PARD3: variants seen among roughly 807,000 people sequenced by gnomAD.
PARD3 encodes the protein par-3 family cell polarity regulator.
Under a neutral mutation model 155.4 loss-of-function variants are expected in PARD3, and 75 were observed. That is an observed-to-expected ratio of 0.48 (90% CI 0.40 to 0.58). PARD3 has a LOEUF of 0.58. Ranked by LOEUF, PARD3 falls within the 20% of genes least tolerant of loss-of-function variation. The probability of loss-of-function intolerance (pLI) is 0.00; values close to 1 mark genes in which losing one functional copy is unlikely to be tolerated. For missense variants in PARD3, 1,642 were observed against 1,721.7 expected (o/e 0.95, Z 0.82); for synonymous variants, 576 against 610.5 (o/e 0.94, Z 0.83).
intron 1 of PARD3, among the ~76,000 whole-genome samples, chr10:34,789,298 G>A (rs1425410173): frequency 6.6e-6 from 1 of 152,018 alleles, no homozygotes; most frequent in African/African-American, 2.4e-5. Context: ...TCTCAAAAAG[G>A]AAAAAAATTA....
chr10:34,736,094 C>G lies in PARD3; in HGVS notation c.121-39675G>C, dbSNP rs149594107. Among the ~76,000 whole-genome samples, 147 of 143,930 alleles carry G rather than the reference C, an allele frequency of 1.0e-3. 2 individuals are homozygous for G. The East Asian group carries it at 0.024, about 23-fold the overall frequency. 94.4% of individuals were successfully genotyped at this position (143,930 alleles called of 152,430 possible). A position where few individuals can be genotyped will look rare whatever the true frequency, so the allele number is the denominator to read the frequency against. Reference sequence around the variant, plus strand: ...CCGCCCAGGCTGGAGTGCAGTGGCGCGATCTCGGCTAGCTGCAAGCTCCAC... The same window carrying G: ...CCGCCCAGGCTGGAGTGCAGTGGCGGGATCTCGGCTAGCTGCAAGCTCCAC... On this transcript the variant is annotated intron_variant, in intron 1 of 24. Transcript: ENST00000374788.
At chr10:34,172,556 G>C (rs1949844637) in intron 22 of PARD3, among the ~76,000 whole-genome samples, 1 of 152,036 alleles carries the variant, frequency 6.6e-6, no homozygotes, top group Non-Finnish European at 1.5e-5. Context: ...GATTCAGCAG[G>C]TCTGGGGTGG....
intron 2 of PARD3, among the ~76,000 whole-genome samples, chr10:34,623,213 A>T (rs1431342674): frequency 6.6e-6 from 1 of 152,218 alleles, no homozygotes; most frequent in Non-Finnish European, 1.5e-5. Context: ...TCATTAACAC[A>T]TACAAGAGAA....
At chr10:34,554,688 C>T (rs1428406212) in intron 2 of PARD3, among the ~76,000 whole-genome samples, 2 of 152,022 alleles carry the variant, frequency 1.3e-5, no homozygotes, top group Admixed American at 1.3e-4. Context: ...AACTCAGCGG[C>T]CTTTCGTTAG....
At chr10:34,524,002 A>G (rs911407941) in intron 2 of PARD3, among the ~76,000 whole-genome samples, 1 of 152,024 alleles carries the variant, frequency 6.6e-6, no homozygotes, top group Non-Finnish European at 1.5e-5. Context: ...CCCTTTTTCT[A>G]TCTCTTATTT....
At chr10:34,325,635 G>A (rs997364748) in intron 19 of PARD3, among the ~76,000 whole-genome samples, 4 of 151,878 alleles carry the variant, frequency 2.6e-5, no homozygotes, top group Admixed American at 2.0e-4. Flanking sequence ...CCCCAACCCC[G>A]AGCCCTTAGG....
intron 22 of PARD3, among the ~76,000 whole-genome samples, chr10:34,233,862 C>T (rs1274219086): frequency 6.6e-6 from 1 of 152,110 alleles, no homozygotes; most frequent in Non-Finnish European, 1.5e-5. Flanking sequence ...TATTCACCTA[C>T]TGTCTGTCTC....
intron 2 of PARD3, among the ~76,000 whole-genome samples, chr10:34,613,981 C>T (rs2091085210): frequency 6.6e-6 from 1 of 152,080 alleles, no homozygotes; most frequent in Admixed American, 6.5e-5. Flanking sequence ...AATGTACTAC[C>T]TAGGCTATCC....
At chr10:34,289,807 C>T (rs946805740) in intron 20 of PARD3, among the ~76,000 whole-genome samples, 8 of 152,230 alleles carry the variant, frequency 5.3e-5, no homozygotes, top group East Asian at 1.9e-4. Context: ...TACAATAATG[C>T]GTTACAAATG....
chr10:34,548,885 C>G (rs1289494907), intron 2 of PARD3, among the ~76,000 whole-genome samples: 1 of 152,202 alleles, frequency 6.6e-6, no homozygotes, highest in Non-Finnish European at 1.5e-5. Flanking sequence ...AAAAAGCAGT[C>G]CACTTTCAAC....
At chr10:34,611,625 T>C (rs866716217) in intron 2 of PARD3, among the ~76,000 whole-genome samples, 14 of 152,032 alleles carry the variant, frequency 9.2e-5, no homozygotes, top group Admixed American at 6.6e-4. Flanking sequence ...CAAATCGGAA[T>C]ACAATTATAG....
At chr10:34,536,626 TAGA>T (rs1411677458) in intron 2 of PARD3, among the ~76,000 whole-genome samples, 2 of 152,238 alleles carry the variant, frequency 1.3e-5, no homozygotes, top group Admixed American at 1.3e-4. Flanking sequence ...CGTTTTCTTG[TAGA>T]AGGTCCTGAA....
Position 34,360,059 on chromosome 10 carries a change from G to C in PARD3, c.1896+12C>G, listed in dbSNP as rs1483500362. On this transcript the variant is annotated intron_variant, in intron 13 of 24. Transcript: ENST00000374788. Reference sequence around the variant, plus strand: ...TGTTAATAGGCATACGCATGATAAAGTTGACACTCACTTTAGATGCTGCTC... The same window carrying C: ...TGTTAATAGGCATACGCATGATAAACTTGACACTCACTTTAGATGCTGCTC... The C allele has an allele frequency of 6.2e-7, 1 of 1,608,374 alleles. No individual in the cohort carries two copies. Among genetic ancestry groups the C allele is most frequent in the East Asian group, 2.2e-5 (1 of 44,836 alleles).
At chr10:34,542,043 T>C (rs1434821597) in intron 2 of PARD3, among the ~76,000 whole-genome samples, 2 of 152,132 alleles carry the variant, frequency 1.3e-5, no homozygotes, top group Non-Finnish European at 1.5e-5. Context: ...CCCTGGCCTA[T>C]GCACATTTTA....
intron 20 of PARD3, among the ~76,000 whole-genome samples, chr10:34,310,226 T>C (rs747503118): frequency 5.9e-5 from 9 of 152,218 alleles, no homozygotes; most frequent in Non-Finnish European, 1.2e-4. Flanking sequence ...ACAAGGAATA[T>C]TTCCAACATA....
At chr10:34,386,437 T>G (rs1008320998) in intron 7 of PARD3, among the ~76,000 whole-genome samples, 8 of 152,192 alleles carry the variant, frequency 5.3e-5, no homozygotes, top group African/African-American at 1.9e-4. Flanking sequence ...AAGTTATTGT[T>G]TAAATGTGAT....
At chr10:34,340,950 C>T (rs1836748246) in intron 16 of PARD3, among the ~76,000 whole-genome samples, 1 of 152,078 alleles carries the variant, frequency 6.6e-6, no homozygotes, top group South Asian at 2.1e-4. Flanking sequence ...TCACTACAAC[C>T]TTGTGAGGTC....
intron 22 of PARD3, among the ~76,000 whole-genome samples, chr10:34,139,895 G>A (rs1948092867): frequency 6.6e-6 from 1 of 152,220 alleles, no homozygotes; most frequent in Admixed American, 6.5e-5. Context: ...ACACCATTCA[G>A]AGAGGCAGGT....
intron 20 of PARD3, among the ~76,000 whole-genome samples, chr10:34,304,171 TA>T (rs1957289027): frequency 6.6e-6 from 1 of 152,088 alleles, no homozygotes; most frequent in Non-Finnish European, 1.5e-5. Context: ...AGACAGCTGG[TA>T]AGTTTTTCAT....
Sources: gnomAD v4.1 joint callset for allele counts (sites outside exome capture counted in the v4.1 genomes callset) on GRCh38, gnomAD v4.1.1 for gene constraint, MANE v1.5 for transcripts, NCBI Gene and HGNC (gene_info 2026-07-23, HGNC 2026-07-21) for gene names.